The following GAL3ST4 variants were observed in gnomAD, a reference collection of about 807,000 sequenced individuals.
GAL3ST4 encodes the protein galactose-3-O-sulfotransferase 4, also known as beta-galactose-3-O-sulfotransferase 4.
In GAL3ST4, 30 loss-of-function variants were observed where a neutral mutation model predicts 31.6. The ratio of observed to expected loss-of-function variants is 0.95; its 90% CI spans 0.71 to 1.29. The LOEUF (loss-of-function observed/expected upper bound fraction) is 1.29, where lower values mean the gene tolerates loss of function less well. Ranked by LOEUF, GAL3ST4 falls within the 50% of genes most tolerant of loss-of-function variation. GAL3ST4 has a pLI of 0.00. For synonymous variants in GAL3ST4, 248 were observed against 256.9 expected (o/e 0.97, Z 0.33); for missense variants, 629 against 625.2 (o/e 1.01, Z -0.06).
Position 100,160,721 on chromosome 7 carries a change from C to T in GAL3ST4, c.668G>A (p.Arg223Lys). 6.2e-7 allele frequency: 1 copy of T among 1,614,096 alleles called. No individual in the cohort carries two copies. Among genetic ancestry groups the T allele is most frequent in the South Asian group, 1.1e-5 (1 of 91,076 alleles). ...GGGATGAATATTCCCTCTCTTGGCC[C>T]TCTTCTCTGGGGGAAAGGGCAGGCC... ...DFGLPFPPEK[R>K]AKRGNIHPPR... The change falls in exon 4 of 4, where the codon AGG becomes AAG. Residue 223 changes from arginine (R) to lysine (K), a missense_variant. Coordinates refer to ENST00000360039, the MANE Select transcript of GAL3ST4 (RefSeq NM_024637.5).
At chr7:100,161,022 C>T in intron 3 of GAL3ST4, 63 bp from the exon 4 acceptor site, 1 of 1,406,060 alleles carries the variant, frequency 7.1e-7, no homozygotes, top group African/African-American at 1.4e-5. Context: ...CATAAGTATG[C>T]ACAAGCCATG....
At chr7:100,167,586 G>C (rs1799094848) in intron 1 of GAL3ST4, 1 of 178,606 alleles carries the variant, frequency 5.6e-6, no homozygotes, top group Admixed American at 5.6e-5. Flanking sequence ...AGATCAATCA[G>C]CTCATTAACA....
chr7:100,162,295 C>T (rs1206471405), intron 3 of GAL3ST4, among the ~76,000 whole-genome samples: 2 of 151,592 alleles, frequency 1.3e-5, no homozygotes, highest in African/African-American at 4.9e-5. Context: ...ACCTGTAATC[C>T]CAGCACTTTG....
Position 100,166,578 on chromosome 7 carries a change from C to G in GAL3ST4, c.353G>C (p.Gly118Ala). Residue 118 changes from glycine (G) to alanine (A), a missense_variant, in exon 3 of 4, where the codon GGC becomes GCC. Gly to Ala is a moderately conservative substitution (Grantham distance 60, BLOSUM62 0). Coordinates refer to ENST00000360039, the MANE Select transcript of GAL3ST4 (RefSeq NM_024637.5). ...PKLFQASRVKGYRPQGGGTQL... is the reference protein window; with the variant it reads ...PKLFQASRVKAYRPQGGGTQL... Reference sequence around the variant, plus strand: ...GGTGCCTCCACCCTGTGGGCGGTAGCCTTTTACCCTAGAGGCCTGGAAGAG... The same window carrying G: ...GGTGCCTCCACCCTGTGGGCGGTAGGCTTTTACCCTAGAGGCCTGGAAGAG... 2 of 1,614,194 alleles carry G rather than the reference C, an allele frequency of 1.2e-6. No homozygotes were observed. Among genetic ancestry groups the G allele is most frequent in the African/African-American group, 1.3e-5 (1 of 75,046 alleles).
rs530654248 is a variant in GAL3ST4, at chr7:100,167,354, C to T, written c.-188-71G>A. ...GCAGAGGCAGCCTTCTCTCCTGCTG[C>T]AGCTGAGACCTCCTTCAGGGAAGGG... is the stretch of plus-strand genomic sequence containing the variant. On this transcript the variant is annotated intron_variant, in intron 1 of 3. Coordinates refer to ENST00000360039, the MANE Select transcript of GAL3ST4 (RefSeq NM_024637.5). 1.8e-4 allele frequency: 135 copies of T among 730,764 alleles called. No homozygotes were observed. The African/African-American group carries it at 2.2e-3, about 12-fold the overall frequency. The allele number at this position is 730,764 out of a possible 1,614,324, so 45.3% of individuals were successfully genotyped here. A position where few individuals can be genotyped will look rare whatever the true frequency, so the allele number is the denominator to read the frequency against.
chr7:100,160,965 G>C lies in GAL3ST4; in HGVS notation c.430-6C>G, dbSNP rs1358287901. Reference sequence around the variant, plus strand: ...GAAGGCATGACCTGAAGTACCTGCAGAGGAGGGAAGACAGAAGAGAGAGAA... The same window carrying C: ...GAAGGCATGACCTGAAGTACCTGCACAGGAGGGAAGACAGAAGAGAGAGAA... On this transcript the variant is annotated splice_polypyrimidine_tract_variant and splice_region_variant and intron_variant, in intron 3 of 3. Coordinates refer to ENST00000360039, the MANE Select transcript of GAL3ST4 (RefSeq NM_024637.5). 6.4e-7 allele frequency: 1 copy of C among 1,573,530 alleles called. No homozygotes were observed. Among genetic ancestry groups the C allele is most frequent in the South Asian group, 1.2e-5 (1 of 84,522 alleles).
rs187386045 is a variant in GAL3ST4 at position 100,165,345 on chromosome 7, A to G, written c.429+1157T>C. 6.0e-3 allele frequency among the ~76,000 whole-genome samples: 911 copies of G among 152,034 alleles called. 5 individuals carry two copies. The highest frequency in any genetic ancestry group is 0.034 in the Middle Eastern group (10 of 294). On this transcript the variant is annotated intron_variant, in intron 3 of 3. Transcript: ENST00000360039. ...GCCACCACGCCTGGCTAATTTTTGT[A>G]TTTTTAGTAGAGACAGGGTTTCACC...
chr7:100,160,508 A>G lies in GAL3ST4; in HGVS notation c.881T>C (p.Leu294Pro). ...SSFIQWGLAW[L>P]DSVFDLVMVA... ...CATGACCAGGTCAAAGACAGAGTCC[A>G]GCCATGCCAGACCCCACTGGATGAA... The change falls in exon 4 of 4, where the codon CTG (leucine) becomes CCG (proline). Residue 294 changes from leucine to proline, a missense_variant. Transcript: ENST00000360039. 1 of 1,614,066 alleles carries G rather than the reference A, an allele frequency of 6.2e-7. No homozygotes were observed. The highest frequency in any genetic ancestry group is 1.1e-5 in the South Asian group (1 of 91,084).
Position 100,160,090 on chromosome 7 carries a change from C to T in GAL3ST4, c.1299G>A (p.Lys433=). The stretch of plus-strand genomic sequence containing the variant: ...CACTCCGAAGTATATAGCCCAAAAC[C>T]TTAGCTGACCCAAACTGGAAGGGGC... The part of the protein sequence containing the change: ...RFRPFQFGSA[K]VLGYILRSGL... The change falls in exon 4 of 4, where the codon AAG becomes AAA. Residue 433 remains lysine, a synonymous_variant. Transcript: ENST00000360039. 1 of 1,614,170 alleles carries T rather than the reference C, an allele frequency of 6.2e-7. No homozygotes were observed. Among genetic ancestry groups the T allele is most frequent in the Non-Finnish European group, 8.5e-7 (1 of 1,180,018 alleles).
Position 100,160,310 on chromosome 7 carries a change from C to T in GAL3ST4, c.1079G>A (p.Arg360Gln), listed in dbSNP as rs551957728. The T allele has an allele frequency of 2.5e-5, 40 of 1,613,714 alleles. 1 individual carries two copies. The highest frequency in any genetic ancestry group is 1.7e-4 in the Middle Eastern group (1 of 6,060). ...AGCCCAGTCCAGGTTGTTCCAGGCT[C>T]GGGCCCGTGCAGTCAGCTGCCGGTC... Reference protein sequence around the residue: ...AEDRQLTARARAWNNLDWALY... With the variant: ...AEDRQLTARAQAWNNLDWALY... The change falls in exon 4 of 4, where the codon CGA (arginine) becomes CAA (glutamine). Residue 360 changes from arginine to glutamine, a missense_variant. By Grantham distance (43) the Arg-to-Gln change is conservative (BLOSUM62 1). Coordinates refer to ENST00000360039, the MANE Select transcript of GAL3ST4 (RefSeq NM_024637.5).
At chr7:100,163,093 T>G in intron 3 of GAL3ST4, among the ~76,000 whole-genome samples, 1 of 152,174 alleles carries the variant, frequency 6.6e-6, no homozygotes, top group Non-Finnish European at 1.5e-5. Flanking sequence ...TATAATGCCA[T>G]CTCGGGCATA....
chr7:100,163,427 A>C (rs1799031640), intron 3 of GAL3ST4, among the ~76,000 whole-genome samples: 1 of 151,250 alleles, frequency 6.6e-6, no homozygotes, highest in African/African-American at 2.4e-5. Flanking sequence ...GGTGTTCCTC[A>C]ATCGGCTCTG....
chr7:100,160,035 C>A lies in GAL3ST4; in HGVS notation c.1354G>T (p.Glu452Ter), dbSNP rs775186928. The change falls in exon 4 of 4, where the codon GAG becomes TAG. Residue 452 changes from glutamate (E) to a stop codon, truncating the protein, a stop_gained. Transcript: ENST00000360039. LOFTEE classifies it high-confidence loss of function. ...TGGAGCTCAGGGGTAGCTAGGCGCT[C>A]ACATTCCTCTTGGTCTTGGGGGCTC... Reference protein sequence around the residue: ...GLSPQDQEECERLATPELQYK... With the variant: ...GLSPQDQEEC The A allele has an allele frequency of 1.6e-5, 26 of 1,613,958 alleles. No individual in the cohort carries two copies. The highest frequency in any genetic ancestry group is 2.2e-5 in the Non-Finnish European group (26 of 1,180,014).
chr7:100,167,347 C>CAG, intron 1 of GAL3ST4, 64 bp from the exon 2 acceptor site: 1 of 830,262 alleles, frequency 1.2e-6, no homozygotes, highest in Non-Finnish European at 1.8e-6. Context: ...AGCCTTCTCT[C>CAG]CTGCTGCAGC....
chr7:100,162,475 G>T (rs1461251239), intron 3 of GAL3ST4, among the ~76,000 whole-genome samples: 1 of 150,630 alleles, frequency 6.6e-6, no homozygotes, highest in Non-Finnish European at 1.5e-5. Flanking sequence ...AAGCTGGGTG[G>T]CAGAGGTTGC....
chr7:100,161,983 G>A (rs1459023830), intron 3 of GAL3ST4, among the ~76,000 whole-genome samples: 1 of 152,036 alleles, frequency 6.6e-6, no homozygotes, highest in Non-Finnish European at 1.5e-5. Context: ...GGAGCAAGGG[G>A]AGGGAGAGCA....
Position 100,166,960 on chromosome 7 carries a change from T to G in GAL3ST4, c.125+11A>C. The G allele has an allele frequency of 6.3e-7, 1 of 1,592,910 alleles. No individual in the cohort carries two copies. Among genetic ancestry groups the G allele is most frequent in the Non-Finnish European group, 8.5e-7 (1 of 1,170,650 alleles). On this transcript the variant is annotated intron_variant, in intron 2 of 3. Coordinates refer to ENST00000360039, the MANE Select transcript of GAL3ST4 (RefSeq NM_024637.5). ...GCGTCTAGAAGGAGTTGGGGCAAAG[T>G]GGGAACTCACCTCCTCTGGAAGGGC...
rs1799090484 is a variant in GAL3ST4 at position 100,167,272 on chromosome 7, C to T, written c.-177G>A. The T allele has an allele frequency of 2.1e-6, 3 of 1,444,338 alleles. No individual in the cohort carries two copies. Among genetic ancestry groups the T allele is most frequent in the Non-Finnish European group, 2.7e-6 (3 of 1,092,242 alleles). 89.5% of individuals were successfully genotyped at this position (1,444,338 alleles called of 1,614,324 possible). On this transcript the variant is annotated 5_prime_UTR_variant, in exon 2 of 4. Coordinates refer to ENST00000360039, the MANE Select transcript of GAL3ST4 (RefSeq NM_024637.5). ...GCCCCCTGAGTTAGCAGATTTTTGC[C>T]TCTGTCAGCGTCTAGAAGGGAAATG... is the stretch of plus-strand genomic sequence containing the variant.
chr7:100,162,546 A>G (rs1272374857), intron 3 of GAL3ST4, among the ~76,000 whole-genome samples: 1 of 137,832 alleles, frequency 7.3e-6, no homozygotes, highest in Non-Finnish European at 1.6e-5. Flanking sequence ...CTCTGTCTCA[A>G]AAAAAAAAAA....
Sources: gnomAD v4.1 joint callset for allele counts (sites outside exome capture counted in the v4.1 genomes callset) on GRCh38, gnomAD v4.1.1 for gene constraint, MANE v1.5 for transcripts, NCBI Gene and HGNC (gene_info 2026-07-23, HGNC 2026-07-21) for gene names.